The following PLA2G4E variants were observed in gnomAD, a reference collection of about 807,000 sequenced individuals.
PLA2G4E encodes cytosolic phospholipase A2 epsilon.
In PLA2G4E, 84 loss-of-function variants were observed where a neutral mutation model predicts 109.1. The ratio of observed to expected loss-of-function variants is 0.77; its 90% CI spans 0.65 to 0.92. The LOEUF is 0.92. PLA2G4E is among the 40% of genes least tolerant of loss of function. The pLI is 0.00. For synonymous variants in PLA2G4E, 469 were observed against 436.1 expected (o/e 1.08, Z -0.94); for missense variants, 1,057 against 1,076.6 (o/e 0.98, Z 0.25).
At chr15:42,034,111 A>T (rs1889166433) in intron 1 of PLA2G4E, among the ~76,000 whole-genome samples, 1 of 152,216 alleles carries the variant, frequency 6.6e-6, no homozygotes, top group Admixed American at 6.5e-5. Context: ...GACTCATTTG[A>T]AAGTAACCAA....
intron 2 of PLA2G4E, among the ~76,000 whole-genome samples, chr15:42,008,429 C>G (rs1381752399): frequency 6.6e-6 from 1 of 152,240 alleles, no homozygotes; most frequent in Non-Finnish European, 1.5e-5. Context: ...TGGCTTAATG[C>G]CTCCACTGCA....
At chr15:42,016,367 ACT>A (rs373381659) in intron 1 of PLA2G4E, among the ~76,000 whole-genome samples, 6 of 147,864 alleles carry the variant, frequency 4.1e-5, no homozygotes, top group African/African-American at 1.5e-4. Context: ...ACGGAGCCTC[ACT>A]CTGTCATATA....
At chr15:42,023,845 T>C (rs1325143191) in intron 1 of PLA2G4E, among the ~76,000 whole-genome samples, 1 of 152,228 alleles carries the variant, frequency 6.6e-6, no homozygotes, top group Non-Finnish European at 1.5e-5. Context: ...CAACTCATTT[T>C]AGTTGAATTA....
At chr15:42,045,614 C>T (rs1470852735) in intron 1 of PLA2G4E, among the ~76,000 whole-genome samples, 1 of 152,200 alleles carries the variant, frequency 6.6e-6, no homozygotes, top group Non-Finnish European at 1.5e-5. Context: ...CCCAGGACAC[C>T]ACTTTCTCAT....
exon 8 of PLA2G4E, chr15:42,000,240 G>C (rs371582157): frequency 1.0e-5 from 16 of 1,581,150 alleles, no homozygotes; most frequent in Non-Finnish European, 4.3e-6. Flanking sequence ...GACACGCTGG[G>C]TGTTCTCAAA....
chr15:42,046,535 T>C (rs1889419442), intron 1 of PLA2G4E, among the ~76,000 whole-genome samples: 1 of 152,220 alleles, frequency 6.6e-6, no homozygotes, highest in African/African-American at 2.4e-5. Flanking sequence ...AATGTCACCC[T>C]CTTCTGATGT....
rs757331185 is a variant in PLA2G4E at position 41,992,967 on chromosome 15, GAGAC to G, written c.1248-12_1248-9del. On this transcript the variant is annotated splice_polypyrimidine_tract_variant and intron_variant, in intron 12 of 19. Coordinates refer to ENST00000399518, the Ensembl canonical transcript of PLA2G4E. The stretch of plus-strand genomic sequence containing the variant: ...TACAAGGTAGCCATGGTCCTGGAAA[GAGAC>G]AGGCACAGCTGATAGGGCTGACCCG... 6.2e-7 allele frequency: 1 copy of G among 1,605,724 alleles called. No homozygotes were observed. Among genetic ancestry groups the G allele is most frequent in the Non-Finnish European group, 8.5e-7 (1 of 1,176,106 alleles).
chr15:42,042,982 T>C (rs951879364), intron 1 of PLA2G4E, among the ~76,000 whole-genome samples: 3 of 152,242 alleles, frequency 2.0e-5, no homozygotes, highest in African/African-American at 7.2e-5. Context: ...AGGGCCTTTC[T>C]GAGTGGGTAG....
At chr15:42,047,628 G>T (rs72727724) in intron 1 of PLA2G4E, among the ~76,000 whole-genome samples, 1 of 152,062 alleles carries the variant, frequency 6.6e-6, no homozygotes, top group Non-Finnish European at 1.5e-5. Flanking sequence ...AATCTGCCAC[G>T]TAAGTAATCG....
At chr15:42,043,862 C>T (rs887688220) in intron 1 of PLA2G4E, among the ~76,000 whole-genome samples, 8 of 152,100 alleles carry the variant, frequency 5.3e-5, no homozygotes, top group South Asian at 4.2e-4. Flanking sequence ...ACATAAACAC[C>T]GTACATATAC....
At chr15:41,994,308 G>GT (rs574733543) in intron 12 of PLA2G4E, among the ~76,000 whole-genome samples, 1,885 of 151,908 alleles carry the variant, frequency 0.012, 18 homozygotes, top group Non-Finnish European at 0.02. Flanking sequence ...CCCCCCGGGG[G>GT]GGTGTGTGGC....
intron 1 of PLA2G4E, among the ~76,000 whole-genome samples, chr15:42,044,844 A>C (rs1313989885): frequency 6.6e-6 from 1 of 151,992 alleles, no homozygotes; most frequent in African/African-American, 2.4e-5. Flanking sequence ...TGGGGACAGA[A>C]TTGGGCAGGA....
chr15:41,999,814 G>A (rs2068394588), intron 9 of PLA2G4E, 103 bp downstream of exon 9: 3 of 1,293,406 alleles, frequency 2.3e-6, no homozygotes, highest in Middle Eastern at 1.8e-4. Context: ...AGACCCTCAC[G>A]AGTCACATTC....
exon 6 of PLA2G4E, chr15:42,002,657 C>A (rs778220253): frequency 1.9e-6 from 3 of 1,584,894 alleles, no homozygotes; most frequent in Non-Finnish European, 2.6e-6. Context: ...TAATTACCAC[C>A]AGCACGCCAT....
intron 15 of PLA2G4E, 145 bp downstream of exon 15, chr15:41,989,270 C>G: frequency 1.7e-6 from 2 of 1,168,786 alleles, no homozygotes; most frequent in Non-Finnish European, 2.4e-6. Flanking sequence ...CCCAGACCAA[C>G]TCTGGTCCCC....
intron 1 of PLA2G4E, among the ~76,000 whole-genome samples, chr15:42,041,542 T>G (rs902138459): frequency 6.6e-6 from 1 of 152,020 alleles, no homozygotes; most frequent in African/African-American, 2.4e-5. Flanking sequence ...ATTCAAGTTA[T>G]TGCAGTGTAT....
At chr15:41,997,032 G>A (rs532607605) in intron 11 of PLA2G4E, 92 bp downstream of exon 11, 106 of 1,407,598 alleles carry the variant, frequency 7.5e-5, no homozygotes, top group East Asian at 4.6e-4. Context: ...TGGAGGTGGC[G>A]CCTGGGGTAG....
chr15:42,014,445 A>T (rs919429387), intron 1 of PLA2G4E, among the ~76,000 whole-genome samples: 16 of 152,228 alleles, frequency 1.1e-4, no homozygotes, highest in African/African-American at 3.6e-4. Flanking sequence ...TTCTTCACTG[A>T]ATAGCTGCTT....
At chr15:41,984,055 C>A in intron 19 of PLA2G4E, 81 bp from the exon 20 acceptor site, 2 of 1,233,324 alleles carry the variant, frequency 1.6e-6, no homozygotes, top group Non-Finnish European at 2.3e-6. Flanking sequence ...CCCCAAGGCC[C>A]ACCAACCTGC....
Sources: gnomAD v4.1 joint callset for allele counts (sites outside exome capture counted in the v4.1 genomes callset) on GRCh38, gnomAD v4.1.1 for gene constraint, MANE v1.5 for transcripts, NCBI Gene and HGNC (gene_info 2026-07-23, HGNC 2026-07-21) for gene names.